BMP1: variants seen among roughly 807,000 people sequenced by gnomAD.
The protein encoded by BMP1 is bone morphogenetic protein 1.
In BMP1, 63 loss-of-function variants were observed where a neutral mutation model predicts 116.8. That is an observed-to-expected ratio of 0.54 (90% CI 0.44 to 0.67). BMP1 has a LOEUF of 0.67. BMP1 is among the 30% of genes least tolerant of loss of function. The pLI, the probability that BMP1 is intolerant of heterozygous loss-of-function variation, is 0.00. For missense variants in BMP1, 1,183 were observed against 1,358.9 expected, an observed-to-expected ratio of 0.87 and a Z score of 2.04; for synonymous variants, 536 against 533.4, an observed-to-expected ratio of 1.00 and a Z score of -0.07.
At chr8:22,191,464 A>T (rs1828929045) in intron 8 of BMP1, among the ~76,000 whole-genome samples, 1 of 152,194 alleles carries the variant, frequency 6.6e-6, no homozygotes, top group African/African-American at 2.4e-5. Context: ...GGGGCCGGGC[A>T]CAGTGACGCA....
intron 8 of BMP1, among the ~76,000 whole-genome samples, chr8:22,181,560 T>A (rs117963520): frequency 6.6e-6 from 1 of 152,042 alleles, no homozygotes; most frequent in African/African-American, 2.4e-5. Context: ...CTCTTTTTTT[T>A]TTTTTTTCTT....
At chr8:22,188,694 C>T (rs1350541759) in intron 8 of BMP1, among the ~76,000 whole-genome samples, 2 of 152,228 alleles carry the variant, frequency 1.3e-5, no homozygotes, top group African/African-American at 2.4e-5. Flanking sequence ...GGATGCCTCT[C>T]TTGGCCAATG....
In BMP1 at chr8:22,176,601, G is replaced by T; in HGVS notation, c.502G>T (p.Glu168Ter). 3.1e-6 allele frequency: 5 copies of T among 1,614,172 alleles called. No homozygotes were observed. Among genetic ancestry groups the T allele is most frequent in the Non-Finnish European group, 4.2e-6 (5 of 1,180,016 alleles). Residue 168 changes from glutamate to a stop codon, truncating the protein, a stop_gained, in exon 4 of 20, where the codon GAG becomes TAG. Coordinates refer to ENST00000306385, the MANE Select transcript of BMP1 (RefSeq NM_006129.5). LOFTEE classifies it high-confidence loss of function. ...GAAGCACACCTGTGTCACCTTCCTG[G>T]AGCGCACTGACGAGGACAGCTATAT... is the stretch of plus-strand genomic sequence containing the variant. ...WEKHTCVTFL[E>*]RTDEDSYIVF...
intron 14 of BMP1, 48 bp from the exon 15 acceptor site, chr8:22,197,192 A>C: frequency 1.9e-6 from 3 of 1,588,062 alleles, no homozygotes; most frequent in Non-Finnish European, 2.6e-6. Flanking sequence ...GGAGTAGTCA[A>C]GAGAGGCTTC....
intron 15 of BMP1, among the ~76,000 whole-genome samples, chr8:22,199,901 G>A (rs185520466): frequency 6.6e-6 from 1 of 152,172 alleles, no homozygotes; most frequent in East Asian, 1.9e-4. Flanking sequence ...GCCCCTAGGG[G>A]TCTAACCTAC....
chr8:22,171,802 C>G (rs1828284879), intron 1 of BMP1: 1 of 152,210 alleles, frequency 6.6e-6, no homozygotes, highest in African/African-American at 2.4e-5. Flanking sequence ...GTCACTCCCA[C>G]ATTCTGTTGA....
chr8:22,165,671 G>T, intron 1 of BMP1, 118 bp downstream of exon 1: 1 of 1,184,320 alleles, frequency 8.4e-7, no homozygotes. Context: ...GGTTGGCAAT[G>T]CAGTGGGGAA....
rs1829467165 is a variant in BMP1 at position 22,211,807 on chromosome 8, C to G, written c.*79C>G. 6.2e-7 allele frequency: 1 copy of G among 1,600,048 alleles called. No individual in the cohort carries two copies. The highest frequency in any genetic ancestry group is 8.5e-7 in the Non-Finnish European group (1 of 1,172,324). On this transcript the variant is annotated 3_prime_UTR_variant, in exon 20 of 20. Transcript: ENST00000306385. ...CTGGATAGTGGGGGTGGGCGGAAGG[C>G]AACGCACCATCCCTCTCCCCCAGGC... is the stretch of plus-strand genomic sequence containing the variant.
intron 16 of BMP1, among the ~76,000 whole-genome samples, chr8:22,204,671 C>T (rs1406109910): frequency 6.6e-6 from 1 of 152,172 alleles, no homozygotes; most frequent in Non-Finnish European, 1.5e-5. Context: ...TGCAGTGAGC[C>T]AGGATCGCGC....
chr8:22,200,065 T>A (rs1401108828), intron 15 of BMP1, among the ~76,000 whole-genome samples: 1 of 152,208 alleles, frequency 6.6e-6, no homozygotes, highest in African/African-American at 2.4e-5. Context: ...ATGGTTCATC[T>A]ATGGAATTCT....
chr8:22,174,471 G>C (rs990840620), intron 2 of BMP1, among the ~76,000 whole-genome samples: 1 of 152,012 alleles, frequency 6.6e-6, no homozygotes, highest in African/African-American at 2.4e-5. Context: ...TGAGGGCCTG[G>C]GCTGTGTCTG....
chr8:22,207,370 G>A lies in BMP1; in HGVS notation c.2429G>A (p.Gly810Glu), dbSNP rs886062819. ...CAYDHLEVFDGRDAKAPVLGR... is the reference protein window; with the variant it reads ...CAYDHLEVFDERDAKAPVLGR... ...TACGACCACCTAGAGGTGTTCGACG[G>A]GCGAGACGCCAAGGCCCCCGTCCTC... The change falls in exon 18 of 20, where the codon GGG (glycine) becomes GAG (glutamate). Residue 810 changes from glycine to glutamate, a missense_variant. By Grantham distance (98) the Gly-to-Glu change is moderately conservative. Around this residue, in one of 4 missense-constraint regions of BMP1, gnomAD observed 956 missense variants for 1,135.2 expected, o/e 0.84. Coordinates refer to ENST00000306385, the MANE Select transcript of BMP1 (RefSeq NM_006129.5). The A allele has an allele frequency of 1.2e-6, 2 of 1,614,218 alleles. No homozygotes were observed. Among genetic ancestry groups the A allele is most frequent in the Non-Finnish European group, 1.7e-6 (2 of 1,180,046 alleles).
At chr8:22,198,946 C>T in intron 15 of BMP1, 5 of 1,263,728 alleles carry the variant, frequency 4.0e-6, no homozygotes, top group Non-Finnish European at 5.1e-6. Context: ...GATGTAACAC[C>T]CACTCGGGGC....
At chr8:22,180,232 GACCATTGCAGA>G in intron 7 of BMP1, 125 bp from the exon 8 acceptor site, 3 of 731,670 alleles carry the variant, frequency 4.1e-6, no homozygotes, top group Non-Finnish European at 7.3e-6. Flanking sequence ...ATAGGGGCAG[GACCATTGCAGA>G]CACCCTCCCA....
intron 8 of BMP1, among the ~76,000 whole-genome samples, chr8:22,186,799 A>C (rs1365179866): frequency 6.6e-6 from 1 of 151,944 alleles, no homozygotes; most frequent in African/African-American, 2.4e-5. Context: ...TGGCAATAGT[A>C]CCTACCACAA....
At chr8:22,195,231 C>T (rs1032474421) in intron 12 of BMP1, among the ~76,000 whole-genome samples, 4 of 152,176 alleles carry the variant, frequency 2.6e-5, no homozygotes, top group Admixed American at 6.5e-5. Flanking sequence ...ACAGTCCCTC[C>T]GCCACAGGCT....
chr8:22,200,703 G>A (rs1829235122), intron 15 of BMP1, among the ~76,000 whole-genome samples: 1 of 152,132 alleles, frequency 6.6e-6, no homozygotes, highest in African/African-American at 2.4e-5. Context: ...GCGAGTGCGT[G>A]TGTCTGTCTA....
Position 22,211,824 on chromosome 8 carries a change from C to T in BMP1, c.*96C>T. 1 of 1,572,222 alleles carries T rather than the reference C, an allele frequency of 6.4e-7. No individual in the cohort carries two copies. The highest frequency in any genetic ancestry group is 8.7e-7 in the Non-Finnish European group (1 of 1,154,294). ...GCGGAAGGCAACGCACCATCCCTCT[C>T]CCCCAGGCCCCAGGACCTGCAGGGC... On this transcript the variant is annotated 3_prime_UTR_variant, in exon 20 of 20. Transcript: ENST00000306385.
chr8:22,209,360 C>T (rs936014681), intron 18 of BMP1, 85 bp from the exon 19 acceptor site: 41 of 1,551,262 alleles, frequency 2.6e-5, no homozygotes, highest in African/African-American at 4.1e-5. Context: ...TCCATCCTGC[C>T]GTGAGGGCAC....
Sources: gnomAD v4.1 joint callset for allele counts (sites outside exome capture counted in the v4.1 genomes callset) on GRCh38, gnomAD v4.1.1 for gene constraint, gnomAD v4.1.1 regional missense constraint, MANE v1.5 for transcripts, NCBI Gene and HGNC (gene_info 2026-07-23, HGNC 2026-07-21) for gene names.